The following CIAO1 variants were observed in gnomAD, a reference collection of about 807,000 sequenced individuals.
The protein encoded by CIAO1 is cytosolic iron-sulfur assembly component 1.
CIAO1 carries 32 observed loss-of-function variants against 43.1 expected under a neutral mutation model. The ratio of observed to expected loss-of-function variants is 0.74; its 90% CI spans 0.56 to 1.00. CIAO1 has a LOEUF of 1.00. Ranked by LOEUF, CIAO1 falls within the 50% of genes least tolerant of loss-of-function variation. CIAO1 has a pLI of 0.00. For missense variants in CIAO1, 415 were observed against 437.4 expected, an observed-to-expected ratio of 0.95 and a Z score of 0.46; for synonymous variants, 183 against 171.4, an observed-to-expected ratio of 1.07 and a Z score of -0.53.
In CIAO1 at chr2:96,269,367, T is replaced by TC. The variant is rs767606370; in HGVS notation, c.779+18dup. The TC allele has an allele frequency of 2.5e-6, 4 of 1,606,884 alleles. No homozygotes were observed. The South Asian group carries it at 3.3e-5, about 13-fold the overall frequency. Reference sequence around the variant, plus strand: ...TATGACATTGCTTGGTAAGACTCCATCCCCCCACCCCATCCCATCCCCATA... The same window carrying TC: ...TATGACATTGCTTGGTAAGACTCCATCCCCCCCACCCCATCCCATCCCCATA... On this transcript the variant is annotated intron_variant, in intron 6 of 6. Coordinates refer to ENST00000488633, the MANE Select transcript of CIAO1 (RefSeq NM_004804.3).
intron 1 of CIAO1, among the ~76,000 whole-genome samples, 187 bp from the exon 2 acceptor site, chr2:96,267,134 C>CAAAA (rs1183454827): frequency 1.4e-4 from 5 of 36,796 alleles, no homozygotes; most frequent in Non-Finnish European, 2.3e-4. Flanking sequence ...AACTCCGTCT[C>CAAAA]AAAAAAAAAA....
chr2:96,269,103 C>T, intron 5 of CIAO1, 165 bp from the exon 6 acceptor site: 1 of 639,786 alleles, frequency 1.6e-6, no homozygotes, highest in African/African-American at 1.8e-5. Flanking sequence ...TGAGAAACGC[C>T]AGTCTGGCTA....
intron 5 of CIAO1, chr2:96,268,989 A>G: frequency 1.7e-6 from 1 of 576,956 alleles, no homozygotes. Context: ...GGGTTTGGAG[A>G]GGAATAAAGT....
In CIAO1 at chr2:96,266,441, C is replaced by A; in HGVS notation, c.91C>A (p.Leu31Met). 6.4e-7 allele frequency: 1 copy of A among 1,560,888 alleles called. No homozygotes were observed. Among genetic ancestry groups the A allele is most frequent in the Non-Finnish European group, 8.7e-7 (1 of 1,149,200 alleles). ...GGCCTGGAACCCCGCGGGGACCCTGCTGGCCTCGTGCGGCGGCGACCGGAG... is the reference window on the plus strand; with the variant it reads ...GGCCTGGAACCCCGCGGGGACCCTGATGGCCTCGTGCGGCGGCGACCGGAG... ...FLAWNPAGTLLASCGGDRRIR... is the reference protein window; with the variant it reads ...FLAWNPAGTLMASCGGDRRIR... The change falls in exon 1 of 7, where the codon CTG becomes ATG. Residue 31 changes from leucine to methionine, a missense_variant. By Grantham distance (15) the Leu-to-Met change is conservative (BLOSUM62 2). Transcript: ENST00000488633.
Position 96,267,337 on chromosome 2 carries a change from C to T in CIAO1, c.156C>T (p.Cys52=), listed in dbSNP as rs757319460. The stretch of plus-strand genomic sequence containing the variant: ...CGCCTTTAGGTGACAGCTGGATCTG[C>T]AAGTCTGTCCTTTCTGAAGGCCACC... ...IWGTEGDSWI[C]KSVLSEGHQR... is the part of the protein sequence containing the mutation. The change falls in exon 2 of 7, where the codon TGC becomes TGT. Residue 52 remains cysteine (C), a synonymous_variant. Transcript: ENST00000488633. 6.2e-7 allele frequency: 1 copy of T among 1,613,262 alleles called. No individual in the cohort carries two copies. The highest frequency in any genetic ancestry group is 8.5e-7 in the Non-Finnish European group (1 of 1,179,362).
intron 4 of CIAO1, 45 bp from the exon 5 acceptor site, chr2:96,268,412 G>C (rs1406635858): frequency 1.3e-6 from 2 of 1,549,590 alleles, no homozygotes; most frequent in Admixed American, 1.7e-5. Flanking sequence ...TTTGCTTCCT[G>C]GGCCACACAG....
At position 96,268,669 on chromosome 2, in the gene CIAO1, TTAG is replaced by T. The variant is rs1178751547; in HGVS notation, c.691+15_691+17del. 2.5e-6 allele frequency: 4 copies of T among 1,613,762 alleles called. No homozygotes were observed. Among genetic ancestry groups the T allele is most frequent in the African/African-American group, 1.3e-5 (1 of 75,026 alleles). The stretch of plus-strand genomic sequence containing the variant: ...CAGGCAATGAACAAGGTGAGGTCCA[TTAG>T]TAGAGCTAAAGAAGACCCATCTCTC... On this transcript the variant is annotated intron_variant, in intron 5 of 6. Coordinates refer to ENST00000488633, the MANE Select transcript of CIAO1 (RefSeq NM_004804.3).
Position 96,266,419 on chromosome 2 carries a change from C to G in CIAO1, c.69C>G (p.Ala23=). 6.4e-7 allele frequency: 1 copy of G among 1,558,628 alleles called. No individual in the cohort carries two copies. The highest frequency in any genetic ancestry group is 2.4e-5 in the East Asian group (1 of 41,012). Residue 23 remains alanine (A), a synonymous_variant, in exon 1 of 7, where the codon GCC becomes GCG. Transcript: ENST00000488633. ...AHPDSRCWFL[A]WNPAGTLLAS... ...CGGACTCCCGCTGCTGGTTCCTGGCCTGGAACCCCGCGGGGACCCTGCTGG... is the reference window on the plus strand; with the variant it reads ...CGGACTCCCGCTGCTGGTTCCTGGCGTGGAACCCCGCGGGGACCCTGCTGG...
intron 5 of CIAO1, 35 bp from the exon 6 acceptor site, chr2:96,269,233 G>A (rs1294886189): frequency 6.3e-7 from 1 of 1,596,348 alleles, no homozygotes; most frequent in African/African-American, 1.3e-5. Flanking sequence ...CCAGGACATA[G>A]GAACGTTTAA....
chr2:96,267,349 T>C lies in CIAO1; in HGVS notation c.168T>C (p.Leu56=), dbSNP rs1266529160. The C allele has an allele frequency of 6.2e-7, 1 of 1,613,836 alleles. No homozygotes were observed. Among genetic ancestry groups the C allele is most frequent in the Non-Finnish European group, 8.5e-7 (1 of 1,179,768 alleles). ...ACAGCTGGATCTGCAAGTCTGTCCT[T>C]TCTGAAGGCCACCAGCGCACCGTGC... ...EGDSWICKSV[L]SEGHQRTVRK... is the part of the protein sequence containing the mutation. The change falls in exon 2 of 7, where the codon CTT becomes CTC. Residue 56 remains leucine (L), a synonymous_variant. Transcript: ENST00000488633.
At chr2:96,267,134 CAA>C (rs1183454827) in intron 1 of CIAO1, among the ~76,000 whole-genome samples, 185 bp from the exon 2 acceptor site, 50 of 36,804 alleles carry the variant, frequency 1.4e-3, no homozygotes, top group Middle Eastern at 0.022. Context: ...AACTCCGTCT[CAA>C]AAAAAAAAAA....
At position 96,268,919 on chromosome 2, in the gene CIAO1, A is replaced by G. The variant is rs1684490512; in HGVS notation, c.691+261A>G. ...CTCAACAGTGTGAGTAAAGATAACA[A>G]TGGCGGGAATGCTTAGACTGAGGGG... On this transcript the variant is annotated intron_variant, in intron 5 of 6. Coordinates refer to ENST00000488633, the MANE Select transcript of CIAO1 (RefSeq NM_004804.3). 7.1e-6 allele frequency: 4 copies of G among 566,186 alleles called. No individual in the cohort carries two copies. In the Admixed American group the frequency reaches 1.3e-4, roughly 18 times the overall value. 35.1% of individuals were successfully genotyped at this position (566,186 alleles called of 1,614,324 possible).
rs1684607643 is a variant in CIAO1, at chr2:96,274,045, T to C, written c.*2694T>C. 6.6e-6 allele frequency among the ~76,000 whole-genome samples: 1 copy of C among 151,664 alleles called. No homozygotes were observed. Among genetic ancestry groups the C allele is most frequent in the South Asian group, 2.1e-4 (1 of 4,822 alleles). ...GCAACATGGCTAAACTCTGTCTCTA[T>C]TAAGAAAAAAAATGTTAACATTATG... On this transcript the variant is annotated 3_prime_UTR_variant, in exon 7 of 7. Coordinates refer to ENST00000488633, the MANE Select transcript of CIAO1 (RefSeq NM_004804.3).
In CIAO1 at chr2:96,271,602, T is replaced by G. The variant is rs533346816; in HGVS notation, c.*251T>G. ...AGATTTTTCTTGCATTAGGGCACAG[T>G]GTTAAATTTTTTGGAGGTAAATATA... On this transcript the variant is annotated 3_prime_UTR_variant, in exon 7 of 7. Transcript: ENST00000488633. 2.1e-6 allele frequency: 1 copy of G among 471,024 alleles called. No individual in the cohort carries two copies. The highest frequency in any genetic ancestry group is 3.8e-6 in the Non-Finnish European group (1 of 261,792). The allele number at this position is 471,024 out of a possible 1,614,324, so 29.2% of individuals were successfully genotyped here. A position where few individuals can be genotyped will look rare whatever the true frequency, so the allele number is the denominator to read the frequency against.
chr2:96,270,968 C>T (rs970088928), intron 6 of CIAO1, 143 bp from the exon 7 acceptor site: 3 of 950,930 alleles, frequency 3.2e-6, no homozygotes, highest in Non-Finnish European at 4.7e-6. Context: ...ATATTTGTGA[C>T]TCCTTATTAG....
rs922539453 is a variant in CIAO1, at chr2:96,273,707, G to T, written c.*2356G>T. 1.6e-4 allele frequency among the ~76,000 whole-genome samples: 24 copies of T among 151,174 alleles called. No homozygotes were observed. The highest frequency in any genetic ancestry group is 1.3e-4 in the Non-Finnish European group (9 of 67,904). ...AAAAATCACTTGTAGTCTTGGTGTGGTATCAAAGAATAGCCACAATTAGCT... is the reference window on the plus strand; with the variant it reads ...AAAAATCACTTGTAGTCTTGGTGTGTTATCAAAGAATAGCCACAATTAGCT... On this transcript the variant is annotated 3_prime_UTR_variant, in exon 7 of 7. Coordinates refer to ENST00000488633, the MANE Select transcript of CIAO1 (RefSeq NM_004804.3).
chr2:96,268,071 C>A, intron 4 of CIAO1, 147 bp downstream of exon 4: 1 of 720,304 alleles, frequency 1.4e-6, no homozygotes, highest in Non-Finnish European at 2.4e-6. Context: ...AAAACAGATC[C>A]GGCTGGGTGT....
At position 96,273,151 on chromosome 2, in the gene CIAO1, T is replaced by C. The variant is rs1452841478; in HGVS notation, c.*1800T>C. On this transcript the variant is annotated 3_prime_UTR_variant, in exon 7 of 7. Coordinates refer to ENST00000488633, the MANE Select transcript of CIAO1 (RefSeq NM_004804.3). Reference sequence around the variant, plus strand: ...AATCTGTACTCCACCATGAGCTTTATTGTTGGGGATATTAACAAATGTGAT... The same window carrying C: ...AATCTGTACTCCACCATGAGCTTTACTGTTGGGGATATTAACAAATGTGAT... The C allele has an allele frequency of 6.6e-6, 1 of 152,178 alleles. No homozygotes were observed. The highest frequency in any genetic ancestry group is 1.5e-5 in the Non-Finnish European group (1 of 68,030). 9.4% of individuals were successfully genotyped at this position (152,178 alleles called of 1,614,324 possible).
rs1368253337 is a variant in CIAO1, at chr2:96,266,330, CT to C, written c.-20del. ...CTCAGCGGACTCTGCCCGCCCCCAC[CT>C]CCCCCTGCGTCGGGCCGACATGAAG... On this transcript the variant is annotated 5_prime_UTR_variant, in exon 1 of 7. Coordinates refer to ENST00000488633, the MANE Select transcript of CIAO1 (RefSeq NM_004804.3). 1.4e-6 allele frequency: 2 copies of C among 1,387,342 alleles called. No homozygotes were observed. The highest frequency in any genetic ancestry group is 1.9e-6 in the Non-Finnish European group (2 of 1,053,808). 85.9% of individuals were successfully genotyped at this position (1,387,342 alleles called of 1,614,324 possible).
Sources: gnomAD v4.1 joint callset for allele counts (sites outside exome capture counted in the v4.1 genomes callset) on GRCh38, gnomAD v4.1.1 for gene constraint, MANE v1.5 for transcripts, NCBI Gene and HGNC (gene_info 2026-07-23, HGNC 2026-07-21) for gene names.